LHFPL3: variants seen among roughly 807,000 people sequenced by gnomAD.
LHFPL3 encodes LHFPL tetraspan subfamily member 3 protein.
LHFPL3 carries 5 observed loss-of-function variants against 19.3 expected under a neutral mutation model. That is an observed-to-expected ratio of 0.26 (90% confidence interval 0.14 to 0.54). The LOEUF (loss-of-function observed/expected upper bound fraction) is 0.54, where lower values mean the gene tolerates loss of function less well. LHFPL3 is among the 20% of genes least tolerant of loss of function. LHFPL3 has a pLI of 0.94. For synonymous variants in LHFPL3, 133 were observed against 126.2 expected (o/e 1.05, Z -0.36); for missense variants, 249 against 307.4 (o/e 0.81, Z 1.42).
intron 1 of LHFPL3, among the ~76,000 whole-genome samples, chr7:104,412,136 G>A (rs1218294853): frequency 2.0e-5 from 3 of 147,520 alleles, no homozygotes; most frequent in Non-Finnish European, 4.4e-5. Flanking sequence ...GTATTAACAA[G>A]AGCTATGATT....
chr7:104,557,596 T>C lies in LHFPL3; in HGVS notation c.446-179079T>C, dbSNP rs528963294. ...TGGGTGGGAATACAGCCAAACCATA[T>C]CAGCATCCCTGCCTGTTTCACCATG... is the stretch of plus-strand genomic sequence containing the variant. On this transcript the variant is annotated intron_variant, in intron 1 of 2. Transcript: ENST00000424859. Among the ~76,000 whole-genome samples, 28 of 152,314 alleles carry C rather than the reference T, an allele frequency of 1.8e-4. No homozygotes were observed. In the South Asian group the frequency reaches 2.1e-3, roughly 11 times the overall value.
At chr7:104,539,574 G>A (rs1794448244) in intron 1 of LHFPL3, among the ~76,000 whole-genome samples, 1 of 152,164 alleles carries the variant, frequency 6.6e-6, no homozygotes, top group African/African-American at 2.4e-5. Context: ...CAAAGACCCT[G>A]GGTTCAGGTC....
At chr7:104,755,587 C>T (rs1447514972) in intron 2 of LHFPL3, among the ~76,000 whole-genome samples, 1 of 151,748 alleles carries the variant, frequency 6.6e-6, no homozygotes, top group Non-Finnish European at 1.5e-5. Flanking sequence ...CACCACCACA[C>T]ACACACACAC....
At chr7:104,422,745 C>T (rs1791758487) in intron 1 of LHFPL3, among the ~76,000 whole-genome samples, 1 of 151,966 alleles carries the variant, frequency 6.6e-6, no homozygotes, top group African/African-American at 2.4e-5. Context: ...TGATAGTGTA[C>T]CAAAAAAGAT....
At chr7:104,681,191 T>G (rs1184199404) in intron 1 of LHFPL3, among the ~76,000 whole-genome samples, 19 of 149,702 alleles carry the variant, frequency 1.3e-4, no homozygotes, top group Non-Finnish European at 1.6e-4. Flanking sequence ...GGATGGGATC[T>G]GCCCTGTTTA....
intron 1 of LHFPL3, among the ~76,000 whole-genome samples, chr7:104,493,025 C>T (rs980782093): frequency 1.2e-4 from 18 of 152,248 alleles, no homozygotes; most frequent in Middle Eastern, 6.8e-3. Context: ...TTTATTTAAC[C>T]TTCAAATTTC....
At chr7:104,808,584 G>A (rs148785911) in intron 2 of LHFPL3, among the ~76,000 whole-genome samples, 3 of 152,318 alleles carry the variant, frequency 2.0e-5, no homozygotes, top group East Asian at 3.9e-4. Flanking sequence ...GAGAAGAGGT[G>A]AAAAAGACAG....
At chr7:104,332,823 T>C (rs758019484) in intron 1 of LHFPL3, among the ~76,000 whole-genome samples, 1 of 152,090 alleles carries the variant, frequency 6.6e-6, no homozygotes, top group Non-Finnish European at 1.5e-5. Flanking sequence ...TCTTTGGATG[T>C]CATCCTGTAT....
intron 1 of LHFPL3, among the ~76,000 whole-genome samples, chr7:104,372,764 G>C (rs1790639106): frequency 6.6e-6 from 1 of 152,144 alleles, no homozygotes; most frequent in South Asian, 2.1e-4. Context: ...AAATATCCTT[G>C]TATGGTGATT....
chr7:104,530,843 C>G (rs2115843318), intron 1 of LHFPL3, among the ~76,000 whole-genome samples: 1 of 152,290 alleles, frequency 6.6e-6, no homozygotes, highest in South Asian at 2.1e-4. Flanking sequence ...GCAAGCAAGT[C>G]CACTTTCTGA....
intron 2 of LHFPL3, among the ~76,000 whole-genome samples, chr7:104,750,502 C>G (rs1794142679): frequency 6.6e-6 from 1 of 152,206 alleles, no homozygotes. Context: ...TTGAATTTCG[C>G]CTTTATAGTC....
At chr7:104,549,747 T>C (rs1794634514) in intron 1 of LHFPL3, among the ~76,000 whole-genome samples, 1 of 152,174 alleles carries the variant, frequency 6.6e-6, no homozygotes, top group African/African-American at 2.4e-5. Context: ...TGCTTATTTA[T>C]AATTCAACTT....
At chr7:104,768,341 G>GT (rs1794495266) in intron 2 of LHFPL3, among the ~76,000 whole-genome samples, 1 of 152,098 alleles carries the variant, frequency 6.6e-6, no homozygotes, top group Admixed American at 6.6e-5. Flanking sequence ...AGAGGGCAAC[G>GT]TATCATTGGC....
intron 1 of LHFPL3, among the ~76,000 whole-genome samples, chr7:104,496,576 A>C (rs940852233): frequency 6.6e-6 from 1 of 152,216 alleles, no homozygotes; most frequent in South Asian, 2.1e-4. Context: ...ACTAGTTTAC[A>C]GTCCCACCAA....
At chr7:104,678,605 AG>A (rs1334910540) in intron 1 of LHFPL3, among the ~76,000 whole-genome samples, 1 of 152,202 alleles carries the variant, frequency 6.6e-6, no homozygotes, top group Non-Finnish European at 1.5e-5. Flanking sequence ...CTTTTTAACC[AG>A]GATTATTAAT....
At chr7:104,511,974 G>T (rs1424657138) in intron 1 of LHFPL3, among the ~76,000 whole-genome samples, 13 of 145,776 alleles carry the variant, frequency 8.9e-5, no homozygotes, top group Non-Finnish European at 1.7e-4. Context: ...TGGAGGAGGG[G>T]AACAGAGTCT....
At chr7:104,886,892 C>T (rs1230629397) in intron 2 of LHFPL3, among the ~76,000 whole-genome samples, 3 of 152,200 alleles carry the variant, frequency 2.0e-5, no homozygotes, top group South Asian at 2.1e-4. Flanking sequence ...CCAGAAATCA[C>T]ATTAAAACTC....
chr7:104,548,777 A>G (rs1193268512), intron 1 of LHFPL3, among the ~76,000 whole-genome samples: 1 of 152,142 alleles, frequency 6.6e-6, no homozygotes. Flanking sequence ...AATGGTCCTC[A>G]ATAAGTCAGA....
At chr7:104,668,184 G>A in intron 1 of LHFPL3, 2 of 1,613,838 alleles carry the variant, frequency 1.2e-6, no homozygotes, top group African/African-American at 1.3e-5. Flanking sequence ...TGAATTTGAG[G>A]ACCTGGATTC....
Sources: gnomAD v4.1 joint callset for allele counts (sites outside exome capture counted in the v4.1 genomes callset) on GRCh38, gnomAD v4.1.1 for gene constraint, MANE v1.5 for transcripts, NCBI Gene and HGNC (gene_info 2026-07-23, HGNC 2026-07-21) for gene names.